Variants in MEIOSIN observed in about 807,000 individuals in gnomAD.
The protein encoded by MEIOSIN is meiosis initiator.
In MEIOSIN, 18 loss-of-function variants were observed where a neutral mutation model predicts 23.4. The observed-to-expected ratio is 0.77, with a 90% CI of 0.53 to 1.14. MEIOSIN has a LOEUF of 1.14. MEIOSIN is among the 50% of genes most tolerant of loss of function. MEIOSIN has a pLI of 0.00. For missense variants in MEIOSIN, 428 were observed against 242.9 expected (o/e 1.76, Z -5.07); for synonymous variants, 187 against 100.6 (o/e 1.86, Z -5.14).
At chr19:45,753,208 C>T (rs979910013) in intron 5 of MEIOSIN, among the ~76,000 whole-genome samples, 1 of 152,068 alleles carries the variant, frequency 6.6e-6, no homozygotes, top group Non-Finnish European at 1.5e-5. Flanking sequence ...CCCAAGCTAG[C>T]GCTGTAGATG....
rs1178591575 is a variant in MEIOSIN, at chr19:45,750,695, C to A, written c.327C>A (p.Val109=). 1.6e-6 allele frequency: 1 copy of A among 609,762 alleles called. No homozygotes were observed. The highest frequency in any genetic ancestry group is 1.9e-5 in the African/African-American group (1 of 53,084). The allele number at this position is 609,762 out of a possible 1,614,324, so 37.8% of individuals were successfully genotyped here. The part of the protein sequence containing the change: ...KLTKKEILVH[V]LQYIQYLQRN... ...GGCAGAAGGAGATTCTGGTGCATGT[C>A]CTGCAGTACATTCAGTACCTCCAGA... is the stretch of plus-strand genomic sequence containing the variant. Residue 109 remains valine, a synonymous_variant, in exon 5 of 15, where the codon GTC becomes GTA. Transcript: ENST00000457052.
intron 5 of MEIOSIN, among the ~76,000 whole-genome samples, chr19:45,751,048 G>A (rs780915941): frequency 2.8e-4 from 43 of 152,102 alleles, no homozygotes; most frequent in African/African-American, 5.3e-4. Context: ...CGAGGCGGGC[G>A]GATCGCTTGA....
intron 14 of MEIOSIN, 134 bp from the exon 15 acceptor site, chr19:45,763,837 G>C: frequency 2.5e-6 from 1 of 397,652 alleles, no homozygotes; most frequent in Non-Finnish European, 4.4e-6. Context: ...ACTGGGACTT[G>C]GTGGACCCAA....
At chr19:45,741,068 C>T (rs952165717) in intron 3 of MEIOSIN, among the ~76,000 whole-genome samples, 10 of 151,728 alleles carry the variant, frequency 6.6e-5, no homozygotes, top group Non-Finnish European at 1.2e-4. Flanking sequence ...AAAATATTAA[C>T]GCTGGGTGCG....
At chr19:45,738,748 T>G (rs1968451292) in intron 2 of MEIOSIN, among the ~76,000 whole-genome samples, 1 of 152,220 alleles carries the variant, frequency 6.6e-6, no homozygotes, top group Non-Finnish European at 1.5e-5. Flanking sequence ...TAAGTCCGAC[T>G]GTTGTAAGAC....
intron 3 of MEIOSIN, among the ~76,000 whole-genome samples, chr19:45,744,822 G>T (rs759196057): frequency 2.0e-5 from 3 of 152,158 alleles, no homozygotes; most frequent in Non-Finnish European, 4.4e-5. Flanking sequence ...TCATGGAGAG[G>T]TTTGAAGCAA....
chr19:45,757,391 G>C (rs1968851740), intron 9 of MEIOSIN, 114 bp downstream of exon 9: 3 of 602,882 alleles, frequency 5.0e-6, no homozygotes, highest in Non-Finnish European at 9.1e-6. Context: ...GATCCCCTAA[G>C]CACAGGGAAG....
Position 45,754,476 on chromosome 19 carries a change from C to A in MEIOSIN, c.557-3C>A, listed in dbSNP as rs1292060226. On this transcript the variant is annotated splice_polypyrimidine_tract_variant and splice_region_variant and intron_variant, in intron 6 of 14. Transcript: ENST00000457052. ...TCTGACACCTGAACCTCTGCTCCCC[C>A]AGAAAGCCAGACTCGGACCCCGAAG... 1 of 700,940 alleles carries A rather than the reference C, an allele frequency of 1.4e-6. No individual in the cohort carries two copies. Among genetic ancestry groups the A allele is most frequent in the South Asian group, 1.5e-5 (1 of 67,500 alleles). The allele number at this position is 700,940 out of a possible 1,614,324, so 43.4% of individuals were successfully genotyped here. A position where few individuals can be genotyped will look rare whatever the true frequency, so the allele number is the denominator to read the frequency against.
At chr19:45,751,595 C>T (rs927041599) in intron 5 of MEIOSIN, among the ~76,000 whole-genome samples, 38 of 151,926 alleles carry the variant, frequency 2.5e-4, no homozygotes, top group African/African-American at 7.7e-4. Context: ...AGTGCAGTGG[C>T]GTGATCTCTG....
At chr19:45,752,845 T>A (rs1187179531) in intron 5 of MEIOSIN, among the ~76,000 whole-genome samples, 1 of 151,454 alleles carries the variant, frequency 6.6e-6, no homozygotes, top group Non-Finnish European at 1.5e-5. Context: ...TCACACCCAA[T>A]GACTTGCCTG....
intron 11 of MEIOSIN, among the ~76,000 whole-genome samples, chr19:45,760,065 T>G (rs993060232): frequency 6.6e-6 from 1 of 151,744 alleles, no homozygotes; most frequent in Admixed American, 6.6e-5. Context: ...CCTCCTAGAG[T>G]GCTGGGATTA....
At chr19:45,735,654 C>A (rs1031849935) in intron 2 of MEIOSIN, among the ~76,000 whole-genome samples, 1 of 152,034 alleles carries the variant, frequency 6.6e-6, no homozygotes, top group Non-Finnish European at 1.5e-5. Flanking sequence ...CTGAGGTGAT[C>A]GGCAAAGATC....
intron 9 of MEIOSIN, 73 bp downstream of exon 9, chr19:45,757,350 A>G: frequency 3.0e-6 from 2 of 670,332 alleles, no homozygotes; most frequent in Admixed American, 2.1e-5. Flanking sequence ...GAGGATGTCT[A>G]TGGAAGAGAG....
intron 4 of MEIOSIN, among the ~76,000 whole-genome samples, chr19:45,745,581 A>G (rs902563582): frequency 6.6e-6 from 1 of 152,200 alleles, no homozygotes; most frequent in African/African-American, 2.4e-5. Context: ...CCAGGAATCA[A>G]ATAGCCATGG....
Position 45,739,690 on chromosome 19 carries a change from C to T in MEIOSIN, c.136C>T (p.Leu46=). 1 of 703,518 alleles carries T rather than the reference C, an allele frequency of 1.4e-6. No homozygotes were observed. The highest frequency in any genetic ancestry group is 2.6e-6 in the Non-Finnish European group (1 of 385,110). 43.6% of individuals were successfully genotyped at this position (703,518 alleles called of 1,614,324 possible). A position where few individuals can be genotyped will look rare whatever the true frequency, so the allele number is the denominator to read the frequency against. The change falls in exon 3 of 15, where the codon CTG becomes TTG. Residue 46 remains leucine (L), a synonymous_variant. Coordinates refer to ENST00000457052, the MANE Select transcript of MEIOSIN (RefSeq NM_001310124.2). Reference sequence around the variant, plus strand: ...GGTCAACCCCTCCGAACCACATGGACTGAGAATGGAGGAGAAATGGTTGCT... The same window carrying T: ...GGTCAACCCCTCCGAACCACATGGATTGAGAATGGAGGAGAAATGGTTGCT... The part of the protein sequence containing the change: ...DKVNPSEPHG[L]RMEEKWLLKG...
rs1180497799 is a variant in MEIOSIN at position 45,754,612 on chromosome 19, C to A, written c.690C>A (p.Ser230=). The change falls in exon 7 of 15, where the codon TCC becomes TCA. Residue 230 remains serine (S), a synonymous_variant. Coordinates refer to ENST00000457052, the MANE Select transcript of MEIOSIN (RefSeq NM_001310124.2). ...CTACCCCTCCAAGGTGCCCTGACTC[C>A]TGCGGTCACCCGAGGCCTGCATCAT... ...GTTTPPRCPD[S]CGHPRPASSS... is the part of the protein sequence containing the mutation. The A allele has an allele frequency of 1.4e-6, 1 of 702,960 alleles. No individual in the cohort carries two copies. The highest frequency in any genetic ancestry group is 2.7e-5 in the East Asian group (1 of 37,300). 43.5% of individuals were successfully genotyped at this position (702,960 alleles called of 1,614,324 possible).
In MEIOSIN at chr19:45,761,948, G is replaced by C; in HGVS notation, c.1444G>C (p.Ala482Pro). The C allele has an allele frequency of 1.7e-6, 1 of 583,894 alleles. No individual in the cohort carries two copies. Among genetic ancestry groups the C allele is most frequent in the Non-Finnish European group, 3.1e-6 (1 of 325,972 alleles). 36.2% of individuals were successfully genotyped at this position (583,894 alleles called of 1,614,324 possible). Residue 482 changes from alanine (A) to proline (P), a missense_variant, in exon 13 of 15, where the codon GCC (alanine) becomes CCC (proline). By Grantham distance (27) the Ala-to-Pro change is conservative (BLOSUM62 -1). Coordinates refer to ENST00000457052, the MANE Select transcript of MEIOSIN (RefSeq NM_001310124.2). ...PLWKQREDMQ[A>P]NPVGTPGSSE... ...CCTCTCCCTCCCCCAGGATATGCAG[G>C]CCAACCCTGTGGGCACGCCGGGCTC...
chr19:45,747,854 C>T (rs1968622269), intron 4 of MEIOSIN, among the ~76,000 whole-genome samples: 1 of 152,258 alleles, frequency 6.6e-6, no homozygotes, highest in African/African-American at 2.4e-5. Context: ...AATACCAGCA[C>T]TTTGGGAGGC....
At chr19:45,758,812 C>T in intron 9 of MEIOSIN, 66 bp from the exon 10 acceptor site, 1 of 671,648 alleles carries the variant, frequency 1.5e-6, no homozygotes, top group Non-Finnish European at 2.7e-6. Context: ...TCCTCAATGC[C>T]AGCTGCTGTG....
Sources: gnomAD v4.1 joint callset for allele counts (sites outside exome capture counted in the v4.1 genomes callset) on GRCh38, gnomAD v4.1.1 for gene constraint, MANE v1.5 for transcripts, NCBI Gene and HGNC (gene_info 2026-07-23, HGNC 2026-07-21) for gene names.